Variants in NRXN1 observed in about 807,000 individuals in gnomAD.
The protein encoded by NRXN1 is neurexin 1.
A neutral mutation model predicts 150.9 loss-of-function variants in NRXN1; 39 were observed. That is an observed-to-expected ratio of 0.26 (90% CI 0.20 to 0.34). The LOEUF (loss-of-function observed/expected upper bound fraction) is 0.34. NRXN1 is among the 10% of genes least tolerant of loss of function. NRXN1 has a pLI of 1.00. For synonymous variants in NRXN1, 924 were observed against 757.0 expected (o/e 1.22, Z -3.62); for missense variants, 1,815 against 1,949.9 (o/e 0.93, Z 1.30).
chr2:50,730,621 C>G (rs576734823), intron 5 of NRXN1, among the ~76,000 whole-genome samples: 2 of 150,124 alleles, frequency 1.3e-5, no homozygotes, highest in Non-Finnish European at 3.0e-5. Flanking sequence ...ATTATGTCTT[C>G]ATTTTTTCGT....
chr2:50,793,784 A>T (rs1289205129), intron 5 of NRXN1, among the ~76,000 whole-genome samples: 1 of 152,076 alleles, frequency 6.6e-6, no homozygotes, highest in African/African-American at 2.4e-5. Flanking sequence ...GAATGCAAAA[A>T]GAGCCTGGAA....
At chr2:50,855,590 T>C (rs931400785) in intron 5 of NRXN1, among the ~76,000 whole-genome samples, 1 of 152,052 alleles carries the variant, frequency 6.6e-6, no homozygotes, top group Non-Finnish European at 1.5e-5. Flanking sequence ...CCAGTAATTA[T>C]TTAAAACATC....
chr2:50,396,996 T>C (rs934899693), intron 17 of NRXN1, among the ~76,000 whole-genome samples: 5 of 152,062 alleles, frequency 3.3e-5, no homozygotes, highest in Non-Finnish European at 7.4e-5. Context: ...TCTACTATCC[T>C]AGATTCTTTT....
At chr2:50,437,154 T>C (rs1311943430) in intron 17 of NRXN1, among the ~76,000 whole-genome samples, 1 of 152,230 alleles carries the variant, frequency 6.6e-6, no homozygotes, top group Admixed American at 6.5e-5. Context: ...AATGACTTAT[T>C]ACAGGAAAAC....
rs564071485 is a variant in NRXN1 at position 50,554,575 on chromosome 2, C to A, written c.1321-1550G>T. ...GTGGGAAAATCTACATAAAGGCATT[C>A]ATTCCAATGCCAATCACATTGTAAG... is the stretch of plus-strand genomic sequence containing the variant. On this transcript the variant is annotated intron_variant, in intron 8 of 22. Transcript: ENST00000401669. 21 of 152,272 alleles carry A rather than the reference C, an allele frequency of 1.4e-4. No individual in the cohort carries two copies. In the South Asian group the frequency reaches 4.2e-3, roughly 30 times the overall value. The allele number at this position is 152,272 out of a possible 1,614,324, so 9.4% of individuals were successfully genotyped here.
intron 2 of NRXN1, among the ~76,000 whole-genome samples, chr2:51,005,653 G>C (rs1438033696): frequency 6.6e-6 from 1 of 151,366 alleles, no homozygotes; most frequent in Non-Finnish European, 1.5e-5. Flanking sequence ...GAAAGAAAAA[G>C]GAATAAAATC....
At chr2:49,925,050 G>A (rs1185847544) in intron 22 of NRXN1, among the ~76,000 whole-genome samples, 1 of 152,100 alleles carries the variant, frequency 6.6e-6, no homozygotes, top group Non-Finnish European at 1.5e-5. Context: ...CCAGCACTTT[G>A]GGAGGCCGAG....
chr2:50,988,297 G>C (rs577496734), intron 2 of NRXN1, among the ~76,000 whole-genome samples: 13 of 151,974 alleles, frequency 8.6e-5, no homozygotes, highest in African/African-American at 3.1e-4. Context: ...ATCTAGTAAA[G>C]TACTCACCTT....
At chr2:50,263,195 T>C (rs896017159) in intron 17 of NRXN1, among the ~76,000 whole-genome samples, 74 of 125,714 alleles carry the variant, frequency 5.9e-4, no homozygotes, top group African/African-American at 1.8e-3. Flanking sequence ...CACACACACA[T>C]ACACAAACAG....
intron 17 of NRXN1, among the ~76,000 whole-genome samples, chr2:50,449,481 T>C (rs1209496510): frequency 6.6e-6 from 1 of 152,202 alleles, no homozygotes; most frequent in Non-Finnish European, 1.5e-5. Context: ...TACACTTCCA[T>C]GTGCATATGA....
chr2:50,074,814 A>C (rs1696812643), intron 19 of NRXN1, among the ~76,000 whole-genome samples: 1 of 152,202 alleles, frequency 6.6e-6, no homozygotes, highest in Non-Finnish European at 1.5e-5. Context: ...GTATGGAAAG[A>C]GCATCATCAC....
At chr2:50,708,144 T>C (rs1276440136) in intron 5 of NRXN1, among the ~76,000 whole-genome samples, 1 of 152,186 alleles carries the variant, frequency 6.6e-6, no homozygotes, top group African/African-American at 2.4e-5. Flanking sequence ...TTAGAACTGA[T>C]ATAAATGAAT....
At chr2:50,833,404 T>C (rs1402192273) in intron 5 of NRXN1, among the ~76,000 whole-genome samples, 1 of 152,226 alleles carries the variant, frequency 6.6e-6, no homozygotes, top group Non-Finnish European at 1.5e-5. Flanking sequence ...GTTCTATTTA[T>C]AAATTTATCA....
intron 17 of NRXN1, among the ~76,000 whole-genome samples, chr2:50,448,980 C>G (rs531481728): frequency 1.8e-4 from 27 of 152,274 alleles, no homozygotes; most frequent in African/African-American, 6.3e-4. Context: ...CGCCAAATGA[C>G]TGACTCTCAC....
intron 2 of NRXN1, among the ~76,000 whole-genome samples, chr2:51,007,268 G>A (rs927869377): frequency 1.3e-5 from 2 of 151,726 alleles, no homozygotes; most frequent in African/African-American, 4.8e-5. Context: ...AATACAGAAA[G>A]GGTATTCAAA....
At chr2:50,926,694 T>C (rs1484508137) in intron 2 of NRXN1, among the ~76,000 whole-genome samples, 1 of 151,860 alleles carries the variant, frequency 6.6e-6, no homozygotes, top group Non-Finnish European at 1.5e-5. Flanking sequence ...ACTTTGTACT[T>C]CTGTTGAGGA....
chr2:50,302,348 C>CT (rs1440280294), intron 17 of NRXN1, among the ~76,000 whole-genome samples: 2 of 152,056 alleles, frequency 1.3e-5, no homozygotes, highest in Admixed American at 1.3e-4. Context: ...AGCCATAGGG[C>CT]TTTTTGTATT....
chr2:50,727,477 T>C (rs1574261176), intron 5 of NRXN1, among the ~76,000 whole-genome samples: 2 of 152,076 alleles, frequency 1.3e-5, no homozygotes, highest in African/African-American at 2.4e-5. Context: ...TCCTTCCGTA[T>C]GGCTAAAAAC....
chr2:50,299,520 G>C (rs1013734996), intron 17 of NRXN1, among the ~76,000 whole-genome samples: 2 of 151,522 alleles, frequency 1.3e-5, no homozygotes, highest in Non-Finnish European at 2.9e-5. Flanking sequence ...TAGTAAGTCT[G>C]CATGTGTTTT....
Sources: allele counts gnomAD v4.1 joint callset (sites outside exome capture counted in the v4.1 genomes callset), GRCh38; gene constraint gnomAD v4.1.1; transcripts MANE v1.5; gene names NCBI Gene and HGNC (gene_info 2026-07-23, HGNC 2026-07-21).